The following DGKE variants were observed in gnomAD, a reference collection of about 807,000 sequenced individuals.
The protein encoded by DGKE is DAG kinase epsilon.
In DGKE, 53 loss-of-function variants were observed where a neutral mutation model predicts 70.0. The ratio of observed to expected loss-of-function variants is 0.76; its 90% CI spans 0.61 to 0.95. The LOEUF is 0.95. Ranked by LOEUF, DGKE falls within the 40% of genes least tolerant of loss-of-function variation. The pLI, the probability that DGKE is intolerant of heterozygous loss-of-function variation, is 0.00. For synonymous variants in DGKE, 291 were observed against 257.0 expected (o/e 1.13, Z -1.27); for missense variants, 655 against 706.9 (o/e 0.93, Z 0.83).
intron 2 of DGKE, among the ~76,000 whole-genome samples, chr17:56,843,447 T>C (rs1285299995): frequency 1.3e-5 from 2 of 152,118 alleles, no homozygotes; most frequent in South Asian, 2.1e-4. Context: ...TTAGTGTTAT[T>C]ATTAAAATTT....
In DGKE at chr17:56,835,018, T is replaced by A. The variant is rs749284912; in HGVS notation, c.223T>A (p.Cys75Ser). The change falls in exon 2 of 12, where the codon TGC (cysteine) becomes AGC (serine). Residue 75 changes from cysteine to serine, a missense_variant. Physicochemically the swap from Cys to Ser is moderately radical, Grantham distance 112. Transcript: ENST00000284061. Reference sequence around the variant, plus strand: ...CCTGTTCAGCCAGCCCACCTACTGCTGCGTGTGCGCGCAGCACATTCTGCA... The same window carrying A: ...CCTGTTCAGCCAGCCCACCTACTGCAGCGTGTGCGCGCAGCACATTCTGCA... ...TDLFSQPTYC[C>S]VCAQHILQGA... 1.7e-5 allele frequency: 28 copies of A among 1,612,740 alleles called. No homozygotes were observed. The East Asian group carries it at 6.2e-4, about 36-fold the overall frequency.
intron 2 of DGKE, among the ~76,000 whole-genome samples, chr17:56,837,546 T>TA (rs1241266496): frequency 6.6e-6 from 1 of 152,224 alleles, no homozygotes; most frequent in Non-Finnish European, 1.5e-5. Flanking sequence ...GTCCTGAAGT[T>TA]GTACATATTC....
At chr17:56,839,040 G>A (rs1906803745) in intron 2 of DGKE, among the ~76,000 whole-genome samples, 1 of 152,096 alleles carries the variant, frequency 6.6e-6, no homozygotes. Context: ...AATGTAGGTG[G>A]TAGGCATACC....
In DGKE at chr17:56,853,863, A is replaced by G. The variant is rs557693463; in HGVS notation, c.1099-2649A>G. 2.6e-4 allele frequency among the ~76,000 whole-genome samples: 40 copies of G among 152,262 alleles called. No individual in the cohort carries two copies. In the South Asian group the frequency reaches 3.1e-3, roughly 12 times the overall value. On this transcript the variant is annotated intron_variant, in intron 7 of 11. Transcript: ENST00000284061. ...ATATCAAACAGATGTCCATGCTGCCATGTTCATTGCAGCATTATGTACAAT... is the reference window on the plus strand; with the variant it reads ...ATATCAAACAGATGTCCATGCTGCCGTGTTCATTGCAGCATTATGTACAAT...
At position 56,861,719 on chromosome 17, in the gene DGKE, A is replaced by G. The variant is rs117104282; in HGVS notation, c.1285-72A>G. 21,088 of 1,583,670 alleles carry G rather than the reference A, an allele frequency of 0.013. 183 individuals are homozygous for G. Among genetic ancestry groups the G allele is most frequent in the Non-Finnish European group, 0.016 (18,591 of 1,167,352 alleles). ...TATATAAGCACATTTATGAAAATAG[A>G]TGTGAATTCTAAATGGATGTGTGTG... On this transcript the variant is annotated intron_variant, in intron 9 of 11. Coordinates refer to ENST00000284061, the MANE Select transcript of DGKE (RefSeq NM_003647.3).
chr17:56,835,551 C>G (rs1361503698), intron 2 of DGKE: 6 of 452,560 alleles, frequency 1.3e-5, no homozygotes, highest in African/African-American at 6.1e-5. Context: ...TTCATGGCCA[C>G]TGTATATTTT....
chr17:56,834,392 GGCCGACGGTTACGGGC>G (rs1166450683), intron 1 of DGKE, 132 bp downstream of exon 1: 1 of 192,096 alleles, frequency 5.2e-6, no homozygotes, highest in Non-Finnish European at 1.1e-5. Context: ...GCGAGGCCTG[GGCCGACGGTTACGGGC>G]GCCGACCGGC....
intron 7 of DGKE, 106 bp downstream of exon 7, chr17:56,849,338 C>A: frequency 9.9e-7 from 1 of 1,015,176 alleles, no homozygotes; most frequent in South Asian, 1.5e-5. Context: ...AGGGAGCTGG[C>A]TGTGGAGCAG....
chr17:56,852,469 T>G (rs1334448273), intron 7 of DGKE, among the ~76,000 whole-genome samples: 1 of 151,530 alleles, frequency 6.6e-6, no homozygotes, highest in Admixed American at 6.6e-5. Context: ...AATATAGAGA[T>G]AAATACCAGA....
At chr17:56,861,188 T>G (rs141616218) in intron 9 of DGKE, among the ~76,000 whole-genome samples, 1 of 152,134 alleles carries the variant, frequency 6.6e-6, no homozygotes, top group East Asian at 1.9e-4. Context: ...ACTGCCAGGT[T>G]TCTGGCTTAA....
At chr17:56,835,303 G>C in intron 2 of DGKE, 44 bp downstream of exon 2, 1 of 1,556,632 alleles carries the variant, frequency 6.4e-7, no homozygotes, top group Non-Finnish European at 8.7e-7. Flanking sequence ...TGCGCCGTGG[G>C]AATCAGGATT....
intron 7 of DGKE, among the ~76,000 whole-genome samples, chr17:56,855,574 A>G (rs764888355): frequency 6.6e-6 from 1 of 152,232 alleles, no homozygotes; most frequent in Non-Finnish European, 1.5e-5. Flanking sequence ...CTAAAGGGTT[A>G]CTGTGTCCTA....
intron 2 of DGKE, chr17:56,835,481 C>T (rs1259492643): frequency 1.8e-6 from 1 of 561,826 alleles, no homozygotes; most frequent in Non-Finnish European, 3.1e-6. Context: ...CCAGCCTGCC[C>T]TTTTGGGTAA....
chr17:56,845,941 A>G, intron 4 of DGKE, 132 bp downstream of exon 4: 6 of 981,082 alleles, frequency 6.1e-6, no homozygotes, highest in Non-Finnish European at 8.3e-6. Context: ...AGCCATTTAA[A>G]TATGTGGATA....
At chr17:56,848,396 G>A (rs542600001) in intron 5 of DGKE, among the ~76,000 whole-genome samples, 40 of 152,174 alleles carry the variant, frequency 2.6e-4, no homozygotes, top group Non-Finnish European at 5.4e-4. Context: ...GGGCTCAAGC[G>A]ATCCTCCCAC....
rs771290327 is a variant in DGKE, at chr17:56,834,960, C to T, written c.165C>T (p.Phe55=). 5.0e-6 allele frequency: 8 copies of T among 1,613,122 alleles called. No individual in the cohort carries two copies. Among genetic ancestry groups the T allele is most frequent in the Non-Finnish European group, 5.1e-6 (6 of 1,179,980 alleles). Residue 55 remains phenylalanine, a synonymous_variant, in exon 2 of 12, where the codon TTC becomes TTT. Coordinates refer to ENST00000284061, the MANE Select transcript of DGKE (RefSeq NM_003647.3). ...SRRQLHRRDI[F]RKSKHGWRDT... ...GGCAGCTGCACCGCAGGGACATCTT[C>T]CGCAAGAGCAAGCACGGGTGGCGCG...
rs1908639013 is a variant in DGKE at position 56,868,897 on chromosome 17, C to CA, written c.*6107dup. The CA allele has an allele frequency of 6.6e-6, 1 of 152,206 alleles. No homozygotes were observed. The highest frequency in any genetic ancestry group is 2.4e-5 in the African/African-American group (1 of 41,456). 9.4% of individuals were successfully genotyped at this position (152,206 alleles called of 1,614,324 possible). ...GTGTGTTAGGAGAAACATTCATTCT[C>CA]ACGCATATAAACTGGCTCCTGGCAG... On this transcript the variant is annotated 3_prime_UTR_variant, in exon 12 of 12. Transcript: ENST00000284061.
At chr17:56,841,840 T>C (rs567855930) in intron 2 of DGKE, among the ~76,000 whole-genome samples, 2 of 152,202 alleles carry the variant, frequency 1.3e-5, no homozygotes, top group Non-Finnish European at 2.9e-5. Flanking sequence ...TTTTTTGAGA[T>C]GAAATCTCAC....
At chr17:56,859,272 C>A (rs923200799) in intron 9 of DGKE, among the ~76,000 whole-genome samples, 1 of 151,060 alleles carries the variant, frequency 6.6e-6, no homozygotes, top group African/African-American at 2.4e-5. Flanking sequence ...TTGCAGTGAG[C>A]CAAGATCGCG....
Sources: allele counts gnomAD v4.1 joint callset (sites outside exome capture counted in the v4.1 genomes callset), GRCh38; gene constraint gnomAD v4.1.1; transcripts MANE v1.5; gene names NCBI Gene and HGNC (gene_info 2026-07-23, HGNC 2026-07-21).